Variants in ADAMTS1 observed in about 807,000 individuals in gnomAD.
ADAMTS1 encodes the protein ADAM metallopeptidase with thrombospondin type 1 motif 1.
A neutral mutation model predicts 87.9 loss-of-function variants in ADAMTS1; 19 were observed. The ratio of observed to expected loss-of-function variants is 0.22; its 90% CI spans 0.15 to 0.32. The LOEUF (loss-of-function observed/expected upper bound fraction) is 0.32, where lower values mean the gene tolerates loss of function less well. Ranked by LOEUF, ADAMTS1 falls within the 10% of genes least tolerant of loss-of-function variation. The pLI, the probability that ADAMTS1 is intolerant of heterozygous loss-of-function variation, is 1.00. For missense variants in ADAMTS1, 1,240 were observed against 1,259.1 expected (o/e 0.98, Z 0.23); for synonymous variants, 542 against 501.8 (o/e 1.08, Z -1.07).
intron 8 of ADAMTS1, 33 bp downstream of exon 8, chr21:26,838,406 A>T: frequency 6.2e-7 from 1 of 1,611,976 alleles, no homozygotes; most frequent in East Asian, 2.2e-5. Context: ...CATTTAAATT[A>T]TAAGGTCTGC....
At chr21:26,843,884 T>C (rs959288859) in intron 1 of ADAMTS1, 5 of 474,404 alleles carry the variant, frequency 1.1e-5, no homozygotes, top group Non-Finnish European at 2.0e-5. Context: ...TAAAAAGAAA[T>C]ACACAGAGTG....
Position 26,844,602 on chromosome 21 carries a change from G to C in ADAMTS1, c.353C>G (p.Thr118Ser). ...KSGSETPLPE[T>S]DLAHCFYSGT... ...GGAGTAGAAGCAGTGCGCCAGGTCG[G>C]TTTCCGGAAGCGGCGTCTCGGACCC... Residue 118 changes from threonine to serine, a missense_variant, in exon 1 of 9, where the codon ACC (threonine) becomes AGC (serine). This residue lies in a region of ADAMTS1 where 521 missense variants were observed against 449.7 expected (regional missense o/e 1.16). Coordinates refer to ENST00000284984, the MANE Select transcript of ADAMTS1 (RefSeq NM_006988.5). 1 of 1,610,720 alleles carries C rather than the reference G, an allele frequency of 6.2e-7. No individual in the cohort carries two copies. Among genetic ancestry groups the C allele is most frequent in the Admixed American group, 1.7e-5 (1 of 59,744 alleles).
chr21:26,841,997 A>G lies in ADAMTS1; in HGVS notation c.1078-7T>C, dbSNP rs747191158. 1.7e-5 allele frequency: 28 copies of G among 1,612,966 alleles called. No homozygotes were observed. Among genetic ancestry groups the G allele is most frequent in the Non-Finnish European group, 2.4e-5 (28 of 1,179,794 alleles). ...TCTGGGACCCACACAAGTCCTACAA[A>G]AAGCAAAGGTAAATACTTATTAATA... On this transcript the variant is annotated splice_polypyrimidine_tract_variant and splice_region_variant and intron_variant, in intron 2 of 8. Coordinates refer to ENST00000284984, the MANE Select transcript of ADAMTS1 (RefSeq NM_006988.5).
chr21:26,840,636 A>C, intron 4 of ADAMTS1, 74 bp from the exon 5 acceptor site: 1 of 1,482,124 alleles, frequency 6.7e-7, no homozygotes, highest in Non-Finnish European at 9.1e-7. Context: ...ATTTCAGAAA[A>C]TATTTATCAT....
In ADAMTS1 at chr21:26,837,952, T is replaced by C. The variant is rs780551225; in HGVS notation, c.2531A>G (p.Lys844Arg). 13 of 1,614,236 alleles carry C rather than the reference T, an allele frequency of 8.1e-6. No individual in the cohort carries two copies. In the South Asian group the frequency reaches 1.3e-4, roughly 16 times the overall value. ...PKIKYTYFVKKKKESFNAIPT... is the reference protein window; with the variant it reads ...PKIKYTYFVKRKKESFNAIPT... The stretch of plus-strand genomic sequence containing the variant: ...GATAGCATTGAAAGATTCCTTCTTC[T>C]TCTTTACGAAGTAGGTGTATTTAAT... The change falls in exon 9 of 9, where the codon AAG (lysine) becomes AGG (arginine). Residue 844 changes from lysine (K) to arginine (R), a missense_variant. Lys to Arg is a conservative substitution (Grantham distance 26). This residue lies in a region of ADAMTS1 where 402 missense variants were observed against 399.1 expected (regional missense o/e 1.01). Transcript: ENST00000284984.
rs2738 is a variant in ADAMTS1 at position 26,836,585 on chromosome 21, C to A, written c.*994G>T. 0.078 allele frequency: 11,847 copies of A among 152,560 alleles called. 557 individuals carry two copies. Among genetic ancestry groups the A allele is most frequent in the East Asian group, 0.14 (738 of 5,162 alleles). 9.5% of individuals were successfully genotyped at this position (152,560 alleles called of 1,614,324 possible). A position where few individuals can be genotyped will look rare whatever the true frequency, so the allele number is the denominator to read the frequency against. On this transcript the variant is annotated 3_prime_UTR_variant, in exon 9 of 9. Transcript: ENST00000284984. ...ATTCACCAGGATACGACTGTTGGAC[C>A]AGCTGCTGGAGATGGACCTGCTACC... is the stretch of plus-strand genomic sequence containing the variant.
Position 26,844,231 on chromosome 21 carries a change from G to T in ADAMTS1, c.724C>A (p.Pro242Thr). 6.5e-7 allele frequency: 1 copy of T among 1,544,906 alleles called. No individual in the cohort carries two copies. Among genetic ancestry groups the T allele is most frequent in the Non-Finnish European group, 8.7e-7 (1 of 1,146,072 alleles). Reference sequence around the variant, plus strand: ...ACGAGAGCAATTCTTCTACCTGTGGGCTGTCCTACGCCTTGCAGTGCCGGG... The same window carrying T: ...ACGAGAGCAATTCTTCTACCTGTGGTCTGTCCTACGCCTTGCAGTGCCGGG... ...QDPALQGVGQPTGTGSIRKKR... is the reference protein window; with the variant it reads ...QDPALQGVGQTTGTGSIRKKR... The change falls in exon 1 of 9, where the codon CCC becomes ACC. Residue 242 changes from proline to threonine, a missense_variant. By Grantham distance (38) the Pro-to-Thr change is conservative. Coordinates refer to ENST00000284984, the MANE Select transcript of ADAMTS1 (RefSeq NM_006988.5).
intron 6 of ADAMTS1, 32 bp downstream of exon 6, chr21:26,839,843 G>A: frequency 6.2e-7 from 1 of 1,605,408 alleles, no homozygotes; most frequent in Non-Finnish European, 8.5e-7. Context: ...TTTTAATCCA[G>A]TTTCTTAAAA....
chr21:26,841,816 A>C, intron 3 of ADAMTS1, 42 bp downstream of exon 3: 1 of 1,587,882 alleles, frequency 6.3e-7, no homozygotes, highest in Non-Finnish European at 8.6e-7. Context: ...ACCAGTTTAC[A>C]TTTCTGAATT....
Position 26,844,305 on chromosome 21 carries a change from T to C in ADAMTS1, c.650A>G (p.Asp217Gly). Residue 217 changes from aspartate to glycine, a missense_variant, in exon 1 of 9, where the codon GAC becomes GGC. Coordinates refer to ENST00000284984, the MANE Select transcript of ADAMTS1 (RefSeq NM_006988.5). Reference sequence around the variant, plus strand: ...TTCGTCCTCGCCCTCAGTCCCTTCGTCCTCGTCTTCGGTCTCCGCTTTCCC... The same window carrying C: ...TTCGTCCTCGCCCTCAGTCCCTTCGCCCTCGTCTTCGGTCTCCGCTTTCCC... ...PTGKAETEDE[D>G]EGTEGEDEGA... 6.2e-7 allele frequency: 1 copy of C among 1,609,590 alleles called. No homozygotes were observed. The highest frequency in any genetic ancestry group is 1.3e-5 in the African/African-American group (1 of 74,990).
At position 26,845,040 on chromosome 21, in the gene ADAMTS1, G is replaced by C. The variant is rs991579326; in HGVS notation, c.-86C>G. 2.2e-6 allele frequency: 3 copies of C among 1,384,014 alleles called. No individual in the cohort carries two copies. Among genetic ancestry groups the C allele is most frequent in the Non-Finnish European group, 2.8e-6 (3 of 1,067,122 alleles). The allele number at this position is 1,384,014 out of a possible 1,614,324, so 85.7% of individuals were successfully genotyped here. A position where few individuals can be genotyped will look rare whatever the true frequency, so the allele number is the denominator to read the frequency against. ...CGGGAGAGCAAAGCCTCGTTGGCCT[G>C]CTCTGGATTGTTAAAATTAACAATT... On this transcript the variant is annotated 5_prime_UTR_variant, in exon 1 of 9. Coordinates refer to ENST00000284984, the MANE Select transcript of ADAMTS1 (RefSeq NM_006988.5).
rs1484849869 is a variant in ADAMTS1 at position 26,839,737 on chromosome 21, A to G, written c.1878T>C (p.Cys626=). The change falls in exon 7 of 9, where the codon TGT becomes TGC. Residue 626 remains cysteine (C), a synonymous_variant. Coordinates refer to ENST00000284984, the MANE Select transcript of ADAMTS1 (RefSeq NM_006988.5). Reference sequence around the variant, plus strand: ...CTTTTGAAAACTCGTTGTGTGCTTCACATTGTTCCTCTCTAAAGGTTTTTC... The same window carrying G: ...CTTTTGAAAACTCGTTGTGTGCTTCGCATTGTTCCTCTCTAAAGGTTTTTC... The part of the protein sequence containing the change: ...NNGKTFREEQ[C]EAHNEFSKAS... 6.2e-7 allele frequency: 1 copy of G among 1,612,036 alleles called. No individual in the cohort carries two copies. Among genetic ancestry groups the G allele is most frequent in the Non-Finnish European group, 8.5e-7 (1 of 1,178,356 alleles).
rs1302941251 is a variant in ADAMTS1 at position 26,844,898 on chromosome 21, C to G, written c.57G>C (p.Gly19=). The part of the protein sequence containing the change: ...FGRRKLGSDM[G]NAERAPGSRS... Reference sequence around the variant, plus strand: ...GAGACCCCGGAGCCCGCTCCGCGTTCCCCATGTCGCTGCCCAGCTTGCGCC... The same window carrying G: ...GAGACCCCGGAGCCCGCTCCGCGTTGCCCATGTCGCTGCCCAGCTTGCGCC... Residue 19 remains glycine (G), a synonymous_variant, in exon 1 of 9, where the codon GGG becomes GGC. Coordinates refer to ENST00000284984, the MANE Select transcript of ADAMTS1 (RefSeq NM_006988.5). 2 of 1,528,832 alleles carry G rather than the reference C, an allele frequency of 1.3e-6. No individual in the cohort carries two copies. Among genetic ancestry groups the G allele is most frequent in the African/African-American group, 2.8e-5 (2 of 72,538 alleles). 94.7% of individuals were successfully genotyped at this position (1,528,832 alleles called of 1,614,324 possible).
chr21:26,843,597 G>A, intron 1 of ADAMTS1: 3 of 463,738 alleles, frequency 6.5e-6, no homozygotes, highest in Admixed American at 2.4e-5. Flanking sequence ...TGCAAACTGG[G>A]AGGCGGGGCA....
chr21:26,837,583 C>T lies in ADAMTS1; in HGVS notation c.2900G>A (p.Ser967Asn), dbSNP rs752893853. 1 of 1,613,750 alleles carries T rather than the reference C, an allele frequency of 6.2e-7. No individual in the cohort carries two copies. The highest frequency in any genetic ancestry group is 1.1e-5 in the South Asian group (1 of 91,070). Residue 967 changes from serine (S) to asparagine (N), a missense_variant, in exon 9 of 9, where the codon AGT becomes AAT. This residue lies in a region of ADAMTS1 where 402 missense variants were observed against 399.1 expected (regional missense o/e 1.01). Coordinates refer to ENST00000284984, the MANE Select transcript of ADAMTS1 (RefSeq NM_006988.5). Reference sequence around the variant, plus strand: ...AGCTAACACCACTTAAACCACTTAACTGCATTCTGCCATTGTGCAAAAGTC... The same window carrying T: ...AGCTAACACCACTTAAACCACTTAATTGCATTCTGCCATTGTGCAAAAGTC... ...FIDFCTMAEC[S>N] is the part of the protein sequence containing the mutation.
chr21:26,838,605 C>T lies in ADAMTS1; in HGVS notation c.2038G>A (p.Gly680Ser). The change falls in exon 8 of 9, where the codon GGT (glycine) becomes AGT (serine). Residue 680 changes from glycine to serine, a missense_variant. Coordinates refer to ENST00000284984, the MANE Select transcript of ADAMTS1 (RefSeq NM_006988.5). ...FFVLQPKVVD[G>S]TPCSPDSTSV... The stretch of plus-strand genomic sequence containing the variant: ...GTGGAATCTGGGCTACATGGAGTAC[C>T]ATCTACAACCTGAAAAAAGGACACA... 6.2e-7 allele frequency: 1 copy of T among 1,613,582 alleles called. No homozygotes were observed. Among genetic ancestry groups the T allele is most frequent in the Non-Finnish European group, 8.5e-7 (1 of 1,179,840 alleles).
At position 26,837,339 on chromosome 21, in the gene ADAMTS1, T is replaced by C. The variant is rs1985386961; in HGVS notation, c.*240A>G. 4.3e-6 allele frequency: 2 copies of C among 460,094 alleles called. No homozygotes were observed. Among genetic ancestry groups the C allele is most frequent in the South Asian group, 1.0e-4 (2 of 19,270 alleles). 28.5% of individuals were successfully genotyped at this position (460,094 alleles called of 1,614,324 possible). A position where few individuals can be genotyped will look rare whatever the true frequency, so the allele number is the denominator to read the frequency against. On this transcript the variant is annotated 3_prime_UTR_variant, in exon 9 of 9. Transcript: ENST00000284984. Reference sequence around the variant, plus strand: ...ATAATAATAATAATGCCCGGGGCTTTATTATGCTATATCACTGCTCAGAGG... The same window carrying C: ...ATAATAATAATAATGCCCGGGGCTTCATTATGCTATATCACTGCTCAGAGG...
rs1985499423 is a variant in ADAMTS1 at position 26,841,815 on chromosome 21, C to T, written c.1210+43G>A. On this transcript the variant is annotated intron_variant, in intron 3 of 8. Coordinates refer to ENST00000284984, the MANE Select transcript of ADAMTS1 (RefSeq NM_006988.5). The stretch of plus-strand genomic sequence containing the variant: ...CTTCTTATATTGTTTTACCAGTTTA[C>T]ATTTCTGAATTGAGCTTAACTTCTA... 6 of 1,586,336 alleles carry T rather than the reference C, an allele frequency of 3.8e-6. No homozygotes were observed. The Admixed American group carries it at 7.2e-5, about 19-fold the overall frequency.
In ADAMTS1 at chr21:26,842,515, A is replaced by G; in HGVS notation, c.901T>C (p.Ser301Pro). 2.5e-6 allele frequency: 4 copies of G among 1,614,164 alleles called. No homozygotes were observed. The highest frequency in any genetic ancestry group is 3.4e-6 in the Non-Finnish European group (4 of 1,180,038). Residue 301 changes from serine (S) to proline (P), a missense_variant, in exon 2 of 9, where the codon TCA becomes CCA. Ser to Pro is a moderately conservative substitution (Grantham distance 74). Around this residue, in one of 3 missense-constraint regions of ADAMTS1, gnomAD observed 521 missense variants for 449.7 expected, o/e 1.16. Coordinates refer to ENST00000284984, the MANE Select transcript of ADAMTS1 (RefSeq NM_006988.5). ...RLYKHPSIRN[S>P]VSLVVVKILV... ...ATCTTCACCACCACCAGGCTAACTG[A>G]ATTACGAATGCTGGGGTGTTTGTAC...
Sources: gnomAD v4.1 joint callset for allele counts on GRCh38, gnomAD v4.1.1 for gene constraint, gnomAD v4.1.1 regional missense constraint, MANE v1.5 for transcripts, NCBI Gene and HGNC (gene_info 2026-07-23, HGNC 2026-07-21) for gene names.